The following EPHA4 variants were observed in gnomAD, a reference collection of about 807,000 sequenced individuals.
The protein encoded by EPHA4 is ephrin type-A receptor 4.
In EPHA4, 19 loss-of-function variants were observed where a neutral mutation model predicts 108.3. That is an observed-to-expected ratio of 0.18 (90% CI 0.12 to 0.26). The LOEUF is 0.26. EPHA4 is among the 10% of genes least tolerant of loss of function. The pLI is 1.00. For missense variants in EPHA4, 917 were observed against 1,254.0 expected (o/e 0.73, Z 4.06); for synonymous variants, 449 against 455.5 (o/e 0.99, Z 0.18).
Position 221,462,517 on chromosome 2 carries a change from T to C in EPHA4, c.1319-4527A>G, listed in dbSNP as rs189862748. Reference sequence around the variant, plus strand: ...AATTATGTCAAATGAATAAAAGTTTTTACATATTAAAATTTATCTAAAAAA... The same window carrying C: ...AATTATGTCAAATGAATAAAAGTTTCTACATATTAAAATTTATCTAAAAAA... On this transcript the variant is annotated intron_variant, in intron 5 of 17. Transcript: ENST00000281821. Among the ~76,000 whole-genome samples, 10 of 152,246 alleles carry C rather than the reference T, an allele frequency of 6.6e-5. No homozygotes were observed. In the East Asian group the frequency reaches 1.9e-3, roughly 29 times the overall value.
chr2:221,440,895 A>G (rs778576508), intron 11 of EPHA4, among the ~76,000 whole-genome samples: 8 of 152,204 alleles, frequency 5.3e-5, no homozygotes, highest in African/African-American at 9.6e-5. Flanking sequence ...CCCCAGGCCA[A>G]TGGTTCTCAA....
At chr2:221,540,876 A>C (rs150947379) in intron 3 of EPHA4, among the ~76,000 whole-genome samples, 13 of 152,110 alleles carry the variant, frequency 8.5e-5, no homozygotes, top group African/African-American at 2.4e-4. Flanking sequence ...GGGGGATTAC[A>C]TTAAAAGAAA....
intron 1 of EPHA4, 26 bp from the exon 2 acceptor site, chr2:221,568,811 T>C: frequency 6.3e-7 from 1 of 1,599,892 alleles, no homozygotes; most frequent in Non-Finnish European, 8.5e-7. Flanking sequence ...GAAAAATAGA[T>C]GAATTTCCAA....
chr2:221,426,859 G>T (rs1689927720), intron 15 of EPHA4, among the ~76,000 whole-genome samples: 2 of 152,120 alleles, frequency 1.3e-5, no homozygotes, highest in African/African-American at 2.4e-5. Flanking sequence ...GTTTTATGTG[G>T]CCCTCTGAGG....
chr2:221,546,919 T>G (rs1694014484), intron 3 of EPHA4, among the ~76,000 whole-genome samples: 1 of 152,168 alleles, frequency 6.6e-6, no homozygotes, highest in Non-Finnish European at 1.5e-5. Context: ...ACAGAAAATC[T>G]GACTCTGAAT....
chr2:221,499,373 A>G (rs1692401895), intron 4 of EPHA4, among the ~76,000 whole-genome samples: 1 of 150,956 alleles, frequency 6.6e-6, no homozygotes, highest in Admixed American at 6.6e-5. Flanking sequence ...TATAAAATAA[A>G]GATTATACCT....
chr2:221,445,807 A>T (rs573521151), intron 9 of EPHA4, among the ~76,000 whole-genome samples: 109 of 151,632 alleles, frequency 7.2e-4, no homozygotes, highest in African/African-American at 2.5e-3. Context: ...AGCTTAGATT[A>T]AAAAAAATAC....
intron 11 of EPHA4, among the ~76,000 whole-genome samples, chr2:221,437,983 G>A (rs1257202589): frequency 6.6e-6 from 1 of 151,982 alleles, no homozygotes; most frequent in Non-Finnish European, 1.5e-5. Flanking sequence ...GCTCAGCTCA[G>A]GGCCTCTGTC....
chr2:221,448,809 G>A (rs1166354365), intron 8 of EPHA4, among the ~76,000 whole-genome samples: 2 of 152,158 alleles, frequency 1.3e-5, no homozygotes, highest in African/African-American at 4.8e-5. Flanking sequence ...TGCATAGAGT[G>A]AGAAAGCTTT....
At chr2:221,493,015 T>C (rs1325130981) in intron 4 of EPHA4, among the ~76,000 whole-genome samples, 1 of 152,214 alleles carries the variant, frequency 6.6e-6, no homozygotes, top group Non-Finnish European at 1.5e-5. Flanking sequence ...ATTGCATGAA[T>C]GATAAAATGG....
intron 11 of EPHA4, among the ~76,000 whole-genome samples, chr2:221,441,909 G>A (rs1690440647): frequency 6.6e-6 from 1 of 152,164 alleles, no homozygotes; most frequent in Non-Finnish European, 1.5e-5. Context: ...CTACAGGTAT[G>A]AGTGATTACA....
intron 3 of EPHA4, among the ~76,000 whole-genome samples, chr2:221,549,782 T>A (rs926039054): frequency 2.0e-5 from 3 of 151,844 alleles, no homozygotes; most frequent in African/African-American, 7.3e-5. Flanking sequence ...AGGTCAAGAG[T>A]TCGAGACTAG....
At chr2:221,547,421 A>C (rs985961122) in intron 3 of EPHA4, among the ~76,000 whole-genome samples, 1 of 152,180 alleles carries the variant, frequency 6.6e-6, no homozygotes, top group Non-Finnish European at 1.5e-5. Context: ...AGTTGGGTCT[A>C]TGCTTGTAAC....
rs896977735 is a variant in EPHA4, at chr2:221,523,949, T to C, written c.824-22777A>G. ...GTGCTGGGATAAATTCAAACCCCTT[T>C]TGTTAAATTGATGGAAAAAGAGGGG... is the stretch of plus-strand genomic sequence containing the variant. On this transcript the variant is annotated intron_variant, in intron 3 of 17. Coordinates refer to ENST00000281821, the MANE Select transcript of EPHA4 (RefSeq NM_004438.5). 3.3e-5 allele frequency among the ~76,000 whole-genome samples: 5 copies of C among 152,102 alleles called. No homozygotes were observed. In the East Asian group the frequency reaches 9.6e-4, roughly 29 times the overall value.
chr2:221,563,764 C>G lies in EPHA4; in HGVS notation c.790G>C (p.Ala264Pro), dbSNP rs368252272. ...LVPIGNCLCN[A>P]GHEERSGECQ... ...TCTCCGCTCCGCTCCTCATGCCCAG[C>G]GTTGCATAGGCAGTTGCCAATGGGT... The change falls in exon 3 of 18, where the codon GCT (alanine) becomes CCT (proline). Residue 264 changes from alanine to proline, a missense_variant. By Grantham distance (27) the Ala-to-Pro change is conservative (BLOSUM62 -1). Transcript: ENST00000281821. 1.2e-6 allele frequency: 2 copies of G among 1,614,212 alleles called. No homozygotes were observed. The highest frequency in any genetic ancestry group is 1.7e-5 in the Admixed American group (1 of 60,024).
intron 3 of EPHA4, among the ~76,000 whole-genome samples, chr2:221,525,036 A>G (rs556007312): frequency 3.7e-4 from 39 of 104,146 alleles, no homozygotes; most frequent in Middle Eastern, 9.6e-3. Flanking sequence ...ATGTAATTTT[A>G]TAGCCTTTTG....
intron 5 of EPHA4, among the ~76,000 whole-genome samples, chr2:221,460,376 C>T (rs979087441): frequency 1.3e-5 from 2 of 152,164 alleles, no homozygotes; most frequent in African/African-American, 4.8e-5. Flanking sequence ...GAGATCAATT[C>T]AACCAAGGAA....
intron 5 of EPHA4, among the ~76,000 whole-genome samples, chr2:221,477,132 C>T (rs1218909194): frequency 4.6e-5 from 7 of 152,070 alleles, no homozygotes; most frequent in East Asian, 3.9e-4. Flanking sequence ...TAACAAGCAG[C>T]GCCCGTTCAT....
intron 3 of EPHA4, among the ~76,000 whole-genome samples, chr2:221,518,892 C>T (rs1436742568): frequency 1.3e-5 from 2 of 152,096 alleles, no homozygotes; most frequent in African/African-American, 4.8e-5. Flanking sequence ...GAGCACTTGT[C>T]TCCCAGAGGA....
Sources: allele counts gnomAD v4.1 joint callset (sites outside exome capture counted in the v4.1 genomes callset), GRCh38; gene constraint gnomAD v4.1.1; transcripts MANE v1.5; gene names NCBI Gene and HGNC (gene_info 2026-07-23, HGNC 2026-07-21).